Variants in DENND2B observed in about 807,000 individuals in gnomAD.
The protein encoded by DENND2B is DENN domain containing 2B, also known as DENN domain-containing protein 2B.
DENND2B carries 32 observed loss-of-function variants against 116.0 expected under a neutral mutation model. That is an observed-to-expected ratio of 0.28 (90% CI 0.21 to 0.37). The LOEUF (loss-of-function observed/expected upper bound fraction) is 0.37, where lower values mean the gene tolerates loss of function less well. Ranked by LOEUF, DENND2B falls within the 10% of genes least tolerant of loss-of-function variation. The pLI is 1.00. For synonymous variants in DENND2B, 588 were observed against 583.9 expected (o/e 1.01, Z -0.10); for missense variants, 1,276 against 1,477.7 (o/e 0.86, Z 2.24).
chr11:8,774,446 G>T, intron 1 of DENND2B: 1 of 560,008 alleles, frequency 1.8e-6, no homozygotes, highest in Non-Finnish European at 2.3e-6. Context: ...TTTCCTAAGG[G>T]TTACAGGGAT....
At chr11:8,769,404 G>A (rs1463070079) in intron 1 of DENND2B, among the ~76,000 whole-genome samples, 1 of 151,814 alleles carries the variant, frequency 6.6e-6, no homozygotes, top group South Asian at 2.1e-4. Flanking sequence ...AGGTATGGGA[G>A]GCATACCACC....
intron 4 of DENND2B, among the ~76,000 whole-genome samples, chr11:8,817,158 CT>C (rs1450051391): frequency 6.6e-6 from 1 of 152,212 alleles, no homozygotes; most frequent in Non-Finnish European, 1.5e-5. Context: ...AGACTCACCC[CT>C]ATCCATAAGT....
upstream of DENND2B, among the ~76,000 whole-genome samples, chr11:8,875,444 AT>A (rs1261348697): frequency 4.0e-5 from 6 of 149,754 alleles, no homozygotes; most frequent in African/African-American, 1.2e-4. Flanking sequence ...TACTATTCTT[AT>A]TTTTTTTGAG....
chr11:8,706,952 G>C, intron 13 of DENND2B, 133 bp downstream of exon 13: 1 of 1,170,856 alleles, frequency 8.5e-7, no homozygotes, highest in South Asian at 1.8e-5. Context: ...GGTCCCTAGT[G>C]ATGGGGTACA....
At position 8,867,573 on chromosome 11, in the gene DENND2B, C is replaced by CTTTTTTTTTT. The variant is rs33990941; in HGVS notation, c.-250+3371_-250+3380dup. Reference sequence around the variant, plus strand: ...ACTAGTACCAAGTTTTAAAATTCAGCTTTTTTTTTTTTTTTTTTTTTTTGA... The same window carrying CTTTTTTTTTT: ...ACTAGTACCAAGTTTTAAAATTCAGCTTTTTTTTTTTTTTTTTTTTTTTTTTTTTTTTTGA... On this transcript the variant is annotated intron_variant, in intron 2 of 6. Coordinates refer to the DENND2B transcript ENST00000524757. 4.5e-5 allele frequency among the ~76,000 whole-genome samples: 4 copies of CTTTTTTTTTT among 89,246 alleles called. 1 individual carries two copies. The highest frequency in any genetic ancestry group is 4.0e-5 in the Non-Finnish European group (2 of 50,164). 58.5% of individuals were successfully genotyped at this position (89,246 alleles called of 152,430 possible). A position where few individuals can be genotyped will look rare whatever the true frequency, so the allele number is the denominator to read the frequency against.
At chr11:8,816,423 C>T (rs143937085) in intron 4 of DENND2B, among the ~76,000 whole-genome samples, 1,625 of 152,160 alleles carry the variant, frequency 0.011, 17 homozygotes, top group Middle Eastern at 0.044. Flanking sequence ...TAGTGGCACA[C>T]GCTTGTGGTC....
chr11:8,863,607 T>C (rs2063482139), intron 2 of DENND2B, among the ~76,000 whole-genome samples: 1 of 152,010 alleles, frequency 6.6e-6, no homozygotes, highest in African/African-American at 2.4e-5. Flanking sequence ...GACCTGTCAA[T>C]GTACAAATGG....
rs372527362 is a variant in DENND2B, at chr11:8,730,967, G to C, written c.323C>G (p.Ala108Gly). The change falls in exon 3 of 20, where the codon GCG (alanine) becomes GGG (glycine). Residue 108 changes from alanine (A) to glycine (G), a missense_variant. Coordinates refer to ENST00000313726, the MANE Select transcript of DENND2B (RefSeq NM_213618.2). The surrounding 1 kb of genome is among the most constrained non-coding windows in gnomAD (Gnocchi z 4.1). ...SFGYLDRSPS[A>G]CKRDAQKESV... Reference sequence around the variant, plus strand: ...TTCCTTTTGGGCGTCTCTCTTGCACGCCGAAGGGCTTCTGTCCAAATAACC... The same window carrying C: ...TTCCTTTTGGGCGTCTCTCTTGCACCCCGAAGGGCTTCTGTCCAAATAACC... The C allele has an allele frequency of 1.9e-6, 3 of 1,614,226 alleles. No homozygotes were observed. The highest frequency in any genetic ancestry group is 2.5e-6 in the Non-Finnish European group (3 of 1,180,046).
chr11:8,735,463 C>T (rs1426039450), intron 2 of DENND2B, among the ~76,000 whole-genome samples: 1 of 152,232 alleles, frequency 6.6e-6, no homozygotes, highest in Admixed American at 6.5e-5. Context: ...TGTGTTAAGC[C>T]ACTAAGTTTT....
rs543069881 is a variant in DENND2B, at chr11:8,732,283, T to C, written c.81-1074A>G. ...CATATGTTAACTCATTTAATCTTCCTGAAAAGTCTATGAGGTTATCATGTT... is the reference window on the plus strand; with the variant it reads ...CATATGTTAACTCATTTAATCTTCCCGAAAAGTCTATGAGGTTATCATGTT... On this transcript the variant is annotated intron_variant, in intron 2 of 19. Transcript: ENST00000313726. 6.1e-4 allele frequency among the ~76,000 whole-genome samples: 93 copies of C among 152,386 alleles called. 1 individual carries two copies. Among genetic ancestry groups the C allele is most frequent in the African/African-American group, 2.2e-3 (90 of 41,592 alleles).
chr11:8,764,153 G>A (rs1458173923), intron 1 of DENND2B, among the ~76,000 whole-genome samples: 1 of 152,102 alleles, frequency 6.6e-6, no homozygotes, highest in African/African-American at 2.4e-5. Context: ...CCGGGAGGCG[G>A]AGGTTGCAGT....
rs1008861121 is a variant in DENND2B, at chr11:8,712,085, A to G, written c.2172+466T>C. On this transcript the variant is annotated intron_variant, in intron 9 of 19. Transcript: ENST00000313726. This position sits in a 1 kb window ranked among gnomAD's most constrained non-coding sequence, Gnocchi z 4.4. The stretch of plus-strand genomic sequence containing the variant: ...AGAGGGGTTGAGTGTGAGAGGAAGA[A>G]GAGGGAGGCCAGGCTGGCTGGCGAC... 9.3e-6 allele frequency: 4 copies of G among 428,382 alleles called. No individual in the cohort carries two copies. The highest frequency in any genetic ancestry group is 1.9e-5 in the Non-Finnish European group (4 of 210,032). 26.5% of individuals were successfully genotyped at this position (428,382 alleles called of 1,614,324 possible).
chr11:8,792,839 T>C (rs1248975128), intron 1 of DENND2B, among the ~76,000 whole-genome samples: 1 of 152,238 alleles, frequency 6.6e-6, no homozygotes, highest in East Asian at 1.9e-4. Context: ...AGTACACTGA[T>C]GCAACCTCTT....
chr11:8,764,498 TTAAG>T (rs1217675103), intron 1 of DENND2B, among the ~76,000 whole-genome samples: 3 of 152,076 alleles, frequency 2.0e-5, no homozygotes, highest in Non-Finnish European at 4.4e-5. Flanking sequence ...GGCTGAAAGG[TTAAG>T]TAATTTGCCT....
chr11:8,709,865 G>A (rs1592511501), intron 11 of DENND2B, among the ~76,000 whole-genome samples: 1 of 152,080 alleles, frequency 6.6e-6, no homozygotes, highest in Non-Finnish European at 1.5e-5. Context: ...TATTCCCTTG[G>A]CCCTTCCCTC....
chr11:8,808,012 G>A (rs1001430091), intron 1 of DENND2B: 5 of 152,124 alleles, frequency 3.3e-5, no homozygotes, highest in African/African-American at 1.2e-4. Context: ...TCCTTGCCTG[G>A]AGTCTCCCTT....
Position 8,730,230 on chromosome 11 carries a change from T to A in DENND2B, c.1060A>T (p.Arg354Trp), listed in dbSNP as rs1368163124. The A allele has an allele frequency of 6.2e-7, 1 of 1,612,492 alleles. No homozygotes were observed. Among genetic ancestry groups the A allele is most frequent in the Non-Finnish European group, 8.5e-7 (1 of 1,179,366 alleles). ...VAGEAGPPPE[R>W]EGSGSTKPGT... ...GGCTTAGTGGAACCACTGCCTTCCC[T>A]CTCTGGGGGTGGGCCCGCCTCCCCC... The change falls in exon 3 of 20, where the codon AGG (arginine) becomes TGG (tryptophan). Residue 354 changes from arginine to tryptophan, a missense_variant. By Grantham distance (101) the Arg-to-Trp change is moderately radical. Around this residue, in one of 2 missense-constraint regions of DENND2B, gnomAD observed 856 missense variants for 846.6 expected, o/e 1.01. Transcript: ENST00000313726. This position sits in a 1 kb window ranked among gnomAD's most constrained non-coding sequence, Gnocchi z 4.1.
At chr11:8,778,397 C>G (rs983344958) in intron 1 of DENND2B, among the ~76,000 whole-genome samples, 1 of 152,246 alleles carries the variant, frequency 6.6e-6, no homozygotes, top group Non-Finnish European at 1.5e-5. Context: ...CTTAGCCACA[C>G]ATTTCAGTCC....
intron 1 of DENND2B, among the ~76,000 whole-genome samples, chr11:8,795,665 C>A (rs1431085048): frequency 6.6e-6 from 1 of 152,144 alleles, no homozygotes; most frequent in Non-Finnish European, 1.5e-5. Flanking sequence ...AGGCAAGTTT[C>A]CTCCCACTCC....
Sources: gnomAD v4.1 joint callset for allele counts (sites outside exome capture counted in the v4.1 genomes callset) on GRCh38, gnomAD v4.1.1 for gene constraint, gnomAD v4.1.1 regional missense constraint, Gnocchi (gnomAD v3.1) non-coding constraint, MANE v1.5 for transcripts, NCBI Gene and HGNC (gene_info 2026-07-23, HGNC 2026-07-21) for gene names.